The following GIN1 variants were observed in gnomAD, a reference collection of about 807,000 sequenced individuals.
The protein encoded by GIN1 is gypsy retrotransposon integrase-like protein 1.
Under a neutral mutation model 51.4 loss-of-function variants are expected in GIN1, and 41 were observed. That is an observed-to-expected ratio of 0.80 (90% CI 0.62 to 1.04). GIN1 has a LOEUF of 1.04. Among genes scored for constraint, GIN1 ranks in the 50% least tolerant of loss-of-function variants. The probability of loss-of-function intolerance (pLI) is 0.00; values close to 1 mark genes in which losing one functional copy is unlikely to be tolerated. For synonymous variants in GIN1, 222 were observed against 206.5 expected, an observed-to-expected ratio of 1.07 and a Z score of -0.64; for missense variants, 610 against 612.4, an observed-to-expected ratio of 1.00 and a Z score of 0.04.
rs782780841 is a variant in GIN1, at chr5:103,104,744, C to T, written c.436G>A (p.Asp146Asn). ...CTTGTATGAAAAGGCCCCATCAGAT[C>T]AACAGTAACTAAACTCCATGGATTT... The part of the protein sequence containing the change: ...VENPWSLVTV[D>N]LMGPFHTSNR... The change falls in exon 4 of 8, where the codon GAT (aspartate) becomes AAT (asparagine). Residue 146 changes from aspartate (D) to asparagine (N), a missense_variant. Coordinates refer to ENST00000399004, the MANE Select transcript of GIN1 (RefSeq NM_017676.2). The T allele has an allele frequency of 1.2e-6, 2 of 1,610,684 alleles. No individual in the cohort carries two copies. The highest frequency in any genetic ancestry group is 8.5e-7 in the Non-Finnish European group (1 of 1,176,994).
At position 103,109,679 on chromosome 5, in the gene GIN1, T is replaced by G. The variant is rs201647938; in HGVS notation, c.-7-965A>C. ...CAGGTTAATTATCTCTATAAAGTAT[T>G]ATAAGACAATCAGTTTGTTCTAAGT... On this transcript the variant is annotated intron_variant, in intron 1 of 7. Coordinates refer to ENST00000399004, the MANE Select transcript of GIN1 (RefSeq NM_017676.2). Among the ~76,000 whole-genome samples the G allele has an allele frequency of 2.0e-5, 3 of 152,174 alleles. No homozygotes were observed. The East Asian group carries it at 5.8e-4, about 29-fold the overall frequency.
At chr5:103,098,132 T>C (rs34814) in intron 4 of GIN1, among the ~76,000 whole-genome samples, 46,133 of 152,030 alleles carry the variant, frequency 0.3, 7,171 homozygotes, top group East Asian at 0.45. Flanking sequence ...CCACCTGCCT[T>C]GGCCTCCCAA....
rs782186067 is a variant in GIN1 at position 103,097,459 on chromosome 5, A to G, written c.863T>C (p.Met288Thr). 6 of 1,567,710 alleles carry G rather than the reference A, an allele frequency of 3.8e-6. No individual in the cohort carries two copies. The highest frequency in any genetic ancestry group is 2.3e-5 in the South Asian group (2 of 87,506). ...EPTKNTPYFQ[M>T]FSRNPYMPET... ...AGGCATATAAGGATTTCGACTAAAC[A>G]TTTGAAAATATGGTGTATTTTTAGT... The change falls in exon 6 of 8, where the codon ATG becomes ACG. Residue 288 changes from methionine to threonine, a missense_variant. Physicochemically the swap from Met to Thr is moderately conservative, Grantham distance 81. Coordinates refer to ENST00000399004, the MANE Select transcript of GIN1 (RefSeq NM_017676.2).
At chr5:103,099,925 A>G (rs1308084005) in intron 4 of GIN1, among the ~76,000 whole-genome samples, 1 of 152,154 alleles carries the variant, frequency 6.6e-6, no homozygotes, top group Admixed American at 6.5e-5. Flanking sequence ...TGTTTTCTGC[A>G]TCAGTATTTG....
intron 1 of GIN1, among the ~76,000 whole-genome samples, chr5:103,115,767 A>C (rs1000574460): frequency 5.9e-5 from 9 of 152,138 alleles, no homozygotes; most frequent in Non-Finnish European, 1.3e-4. Context: ...GTAACCCAAA[A>C]AGTTTAATGC....
chr5:103,103,779 T>C (rs1481029672), intron 4 of GIN1, among the ~76,000 whole-genome samples: 1 of 152,108 alleles, frequency 6.6e-6, no homozygotes, highest in Non-Finnish European at 1.5e-5. Context: ...CTGTCAATCA[T>C]AGTGTTATTA....
chr5:103,107,900 T>G (rs1787769934), intron 2 of GIN1, among the ~76,000 whole-genome samples: 2 of 152,076 alleles, frequency 1.3e-5, no homozygotes, highest in Admixed American at 1.3e-4. Flanking sequence ...GGGGTAAGCC[T>G]AAGAGGCAAA....
intron 1 of GIN1, among the ~76,000 whole-genome samples, chr5:103,117,870 G>A (rs886948272): frequency 1.3e-5 from 2 of 151,952 alleles, no homozygotes; most frequent in Non-Finnish European, 2.9e-5. Flanking sequence ...CTTTTAACTT[G>A]GTGTCTCTTA....
At chr5:103,103,306 G>T (rs1554195955) in intron 4 of GIN1, among the ~76,000 whole-genome samples, 1 of 152,206 alleles carries the variant, frequency 6.6e-6, no homozygotes, top group South Asian at 2.1e-4. Flanking sequence ...TGGGGAAGGA[G>T]ATCTTGGAAA....
At chr5:103,098,204 T>C (rs1193362636) in intron 4 of GIN1, among the ~76,000 whole-genome samples, 1 of 152,120 alleles carries the variant, frequency 6.6e-6, no homozygotes, top group Non-Finnish European at 1.5e-5. Flanking sequence ...TTATTGACCA[T>C]AACATTCTAT....
At chr5:103,099,101 G>T (rs192833806) in intron 4 of GIN1, among the ~76,000 whole-genome samples, 1 of 151,866 alleles carries the variant, frequency 6.6e-6, no homozygotes, top group East Asian at 1.9e-4. Context: ...TAACTAAATA[G>T]GCAAAGTTAA....
At chr5:103,103,734 A>T (rs1787640215) in intron 4 of GIN1, among the ~76,000 whole-genome samples, 1 of 152,190 alleles carries the variant, frequency 6.6e-6, no homozygotes, top group South Asian at 2.1e-4. Flanking sequence ...TCATGAAGAA[A>T]ATGTATTCTT....
At chr5:103,100,901 T>A (rs1181366835) in intron 4 of GIN1, among the ~76,000 whole-genome samples, 2 of 152,168 alleles carry the variant, frequency 1.3e-5, no homozygotes, top group Non-Finnish European at 2.9e-5. Flanking sequence ...TAATTTTGAA[T>A]TTTGATGCCT....
At chr5:103,104,409 T>C (rs544816001) in intron 4 of GIN1, 132 bp downstream of exon 4, 3 of 575,616 alleles carry the variant, frequency 5.2e-6, no homozygotes, top group South Asian at 4.7e-5. Context: ...GTATTTAATA[T>C]CATACCTCTA....
At chr5:103,113,663 G>A (rs895491001) in intron 1 of GIN1, among the ~76,000 whole-genome samples, 1 of 151,668 alleles carries the variant, frequency 6.6e-6, no homozygotes. Context: ...CTGGGACTAC[G>A]GGTGCATGCC....
At position 103,096,604 on chromosome 5, in the gene GIN1, T is replaced by TAA; in HGVS notation, c.1229_1230dup (p.Arg411LeufsTer3). ...GACATTTTGATAGGTCTTTTCAGTC[T>TAA]AACCCCAGTGTTGTCTCTCAGGACA... On this transcript the variant is annotated frameshift_variant, in exon 7 of 8. Coordinates refer to ENST00000399004, the MANE Select transcript of GIN1 (RefSeq NM_017676.2). LOFTEE classifies it high-confidence loss of function. 1 of 1,613,558 alleles carries TAA rather than the reference T, an allele frequency of 6.2e-7. No individual in the cohort carries two copies. Among genetic ancestry groups the TAA allele is most frequent in the Non-Finnish European group, 8.5e-7 (1 of 1,179,472 alleles).
rs1787108075 is a variant in GIN1 at position 103,087,523 on chromosome 5, C to G, written c.*375G>C. ...TGATTCAGTATTTATCAATTCCATT[C>G]AAGGTAGTTCAAACTTACTGTTTAA... On this transcript the variant is annotated 3_prime_UTR_variant, in exon 8 of 8. Coordinates refer to ENST00000399004, the MANE Select transcript of GIN1 (RefSeq NM_017676.2). 2 of 155,498 alleles carry G rather than the reference C, an allele frequency of 1.3e-5. No homozygotes were observed. Among genetic ancestry groups the G allele is most frequent in the Admixed American group, 1.3e-4 (2 of 15,384 alleles). The allele number at this position is 155,498 out of a possible 1,614,324, so 9.6% of individuals were successfully genotyped here.
At chr5:103,104,512 C>T in intron 4 of GIN1, 29 bp downstream of exon 4, 8 of 1,148,872 alleles carry the variant, frequency 7.0e-6, no homozygotes, top group Non-Finnish European at 1.0e-5. Flanking sequence ...AAGATATGCT[C>T]CCAGACCTAA....
Position 103,104,495 on chromosome 5 carries a change from A to G in GIN1, c.639+46T>C, listed in dbSNP as rs1554196047. ...GAGGGCACTGGTTCTGGACACTGAA[A>G]AGAAGTAAGATATGCTCCCAGACCT... is the stretch of plus-strand genomic sequence containing the variant. On this transcript the variant is annotated intron_variant, in intron 4 of 7. Coordinates refer to ENST00000399004, the MANE Select transcript of GIN1 (RefSeq NM_017676.2). 3 of 922,564 alleles carry G rather than the reference A, an allele frequency of 3.3e-6. No individual in the cohort carries two copies. In the Admixed American group the frequency reaches 6.7e-5, roughly 21 times the overall value. 57.1% of individuals were successfully genotyped at this position (922,564 alleles called of 1,614,324 possible). A position where few individuals can be genotyped will look rare whatever the true frequency, so the allele number is the denominator to read the frequency against.
Sources: allele counts gnomAD v4.1 joint callset (sites outside exome capture counted in the v4.1 genomes callset), GRCh38; gene constraint gnomAD v4.1.1; transcripts MANE v1.5; gene names NCBI Gene and HGNC (gene_info 2026-07-23, HGNC 2026-07-21).